Variants in NCAPG2 observed in about 807,000 individuals in gnomAD.
NCAPG2 encodes non-SMC condensin II complex subunit G2, also known as condensin-2 complex subunit G2.
NCAPG2 carries 53 observed loss-of-function variants against 141.1 expected under a neutral mutation model. The ratio of observed to expected loss-of-function variants is 0.38; its 90% CI spans 0.30 to 0.47. NCAPG2 has a LOEUF of 0.47. NCAPG2 is among the 20% of genes least tolerant of loss of function. The pLI is 0.99. For synonymous variants in NCAPG2, 499 were observed against 490.7 expected (o/e 1.02, Z -0.22); for missense variants, 1,087 against 1,389.0 (o/e 0.78, Z 3.46).
intron 23 of NCAPG2, among the ~76,000 whole-genome samples, chr7:158,651,772 ACTCT>A (rs1340074670): frequency 6.6e-6 from 1 of 152,134 alleles, no homozygotes; most frequent in Non-Finnish European, 1.5e-5. Context: ...AAGGTCTGTG[ACTCT>A]CGTTTCCAAC....
At chr7:158,695,557 G>A (rs1835392382) in intron 2 of NCAPG2, among the ~76,000 whole-genome samples, 1 of 152,238 alleles carries the variant, frequency 6.6e-6, no homozygotes, top group Non-Finnish European at 1.5e-5. Context: ...GTTTGGAGCT[G>A]GGGATGTGAG....
At chr7:158,690,910 CTGTT>C (rs1384914764) in intron 4 of NCAPG2, among the ~76,000 whole-genome samples, 188 bp from the exon 5 acceptor site, 1 of 152,108 alleles carries the variant, frequency 6.6e-6, no homozygotes, top group East Asian at 1.9e-4. Flanking sequence ...AATTAAAAAA[CTGTT>C]TGACGATTGT....
intron 8 of NCAPG2, among the ~76,000 whole-genome samples, chr7:158,684,493 A>G (rs888482746): frequency 2.0e-5 from 3 of 152,238 alleles, no homozygotes; most frequent in African/African-American, 7.2e-5. Flanking sequence ...TGGCTTGATT[A>G]TTTTTAAAAA....
intron 26 of NCAPG2, among the ~76,000 whole-genome samples, chr7:158,645,161 C>A (rs915991697): frequency 6.6e-6 from 1 of 152,108 alleles, no homozygotes; most frequent in Non-Finnish European, 1.5e-5. Flanking sequence ...CCGTCATCAA[C>A]CAAAATAAAT....
intron 27 of NCAPG2, 46 bp from the exon 28 acceptor site, chr7:158,631,763 A>G: frequency 7.1e-7 from 1 of 1,403,590 alleles, no homozygotes; most frequent in Non-Finnish European, 1.0e-6. Flanking sequence ...AAAAGTGACC[A>G]AATTATCCAA....
chr7:158,639,497 C>A (rs1458944353), intron 27 of NCAPG2, among the ~76,000 whole-genome samples: 1 of 152,086 alleles, frequency 6.6e-6, no homozygotes, highest in African/African-American at 2.4e-5. Context: ...AAATTCTATT[C>A]TATTAAAATC....
intron 27 of NCAPG2, among the ~76,000 whole-genome samples, chr7:158,638,012 C>T (rs146412963): frequency 0.015 from 2,239 of 152,152 alleles, 65 homozygotes; most frequent in East Asian, 0.12. Context: ...GGCATGGTGG[C>T]GCATGCCTGT....
intron 17 of NCAPG2, 94 bp downstream of exon 17, chr7:158,658,244 T>C: frequency 1.7e-6 from 2 of 1,190,370 alleles, no homozygotes; most frequent in Non-Finnish European, 2.3e-6. Flanking sequence ...AGCTGAAAGC[T>C]AAATGTTATG....
intron 12 of NCAPG2, among the ~76,000 whole-genome samples, chr7:158,672,975 G>A (rs1833840732): frequency 1.3e-5 from 2 of 152,200 alleles, no homozygotes; most frequent in Admixed American, 6.5e-5. Context: ...CTGGGCAAGG[G>A]AGGCATCTCA....
chr7:158,677,836 G>T (rs1486653619), intron 11 of NCAPG2, among the ~76,000 whole-genome samples: 2 of 151,936 alleles, frequency 1.3e-5, no homozygotes, highest in African/African-American at 4.8e-5. Flanking sequence ...TTTGAAACAG[G>T]GTCTTGCTCT....
intron 13 of NCAPG2, among the ~76,000 whole-genome samples, chr7:158,666,743 A>G (rs1208834844): frequency 3.3e-5 from 5 of 151,960 alleles, no homozygotes; most frequent in African/African-American, 1.2e-4. Flanking sequence ...CCTGGGCAAC[A>G]CAGGGAAACC....
Position 158,686,120 on chromosome 7 carries a change from G to T in NCAPG2, c.837+52C>A, listed in dbSNP as rs141061787. ...TAACCCTTCTTTGACTACTTATTTA[G>T]TAACTAAAATATAATAAAAATAAGT... On this transcript the variant is annotated intron_variant, in intron 8 of 27. Transcript: ENST00000356309. The T allele has an allele frequency of 2.6e-4, 290 of 1,102,226 alleles. No individual in the cohort carries two copies. In the African/African-American group the frequency reaches 4.4e-3, roughly 17 times the overall value. The allele number at this position is 1,102,226 out of a possible 1,614,324, so 68.3% of individuals were successfully genotyped here. A position where few individuals can be genotyped will look rare whatever the true frequency, so the allele number is the denominator to read the frequency against.
At chr7:158,637,565 T>C (rs1830356102) in intron 27 of NCAPG2, among the ~76,000 whole-genome samples, 3 of 152,280 alleles carry the variant, frequency 2.0e-5, no homozygotes, top group Non-Finnish European at 4.4e-5. Flanking sequence ...GAGTAGGCTT[T>C]CCAGCTCCGG....
At chr7:158,663,701 C>A (rs10949738) in intron 15 of NCAPG2, among the ~76,000 whole-genome samples, 1 of 152,110 alleles carries the variant, frequency 6.6e-6, no homozygotes, top group African/African-American at 2.4e-5. Context: ...ACCCCAAAAT[C>A]TTACTTTAGA....
At chr7:158,688,957 T>C (rs529774832) in intron 6 of NCAPG2, among the ~76,000 whole-genome samples, 45 of 152,282 alleles carry the variant, frequency 3.0e-4, no homozygotes, top group Middle Eastern at 3.4e-3. Flanking sequence ...GAGGGATGAC[T>C]TCCTCCTTCT....
At position 158,662,313 on chromosome 7, in the gene NCAPG2, C is replaced by G; in HGVS notation, c.1870G>C (p.Glu624Gln). ...CTTTTCCAGAGAATCACAATGATTT[C>G]TAGTAAACCTGCCATGCATGCAACA... ...NDVACMAGLL[E>Q]IIVILWKSID... The change falls in exon 16 of 28, where the codon GAA becomes CAA. Residue 624 changes from glutamate to glutamine, a missense_variant. Coordinates refer to ENST00000356309, the MANE Select transcript of NCAPG2 (RefSeq NM_017760.7). The G allele has an allele frequency of 6.2e-7, 1 of 1,608,514 alleles. No individual in the cohort carries two copies. Among genetic ancestry groups the G allele is most frequent in the Non-Finnish European group, 8.5e-7 (1 of 1,177,660 alleles).
At chr7:158,704,124 GCTCT>G (rs1379228527) in intron 1 of NCAPG2, among the ~76,000 whole-genome samples, 2 of 124,696 alleles carry the variant, frequency 1.6e-5, no homozygotes, top group Admixed American at 8.3e-5. Context: ...CTGAGGGGAC[GCTCT>G]CTGAGGGCAG....
At chr7:158,695,608 G>C (rs1268680419) in intron 2 of NCAPG2, among the ~76,000 whole-genome samples, 1 of 152,242 alleles carries the variant, frequency 6.6e-6, no homozygotes, top group Non-Finnish European at 1.5e-5. Context: ...GAGCTGGCTG[G>C]AAGGGCAAGG....
chr7:158,699,334 G>A (rs1835648117), intron 2 of NCAPG2, among the ~76,000 whole-genome samples: 1 of 152,118 alleles, frequency 6.6e-6, no homozygotes, highest in Non-Finnish European at 1.5e-5. Flanking sequence ...CTCCACTCTG[G>A]AACACTTGCT....
Sources: gnomAD v4.1 joint callset for allele counts (sites outside exome capture counted in the v4.1 genomes callset) on GRCh38, gnomAD v4.1.1 for gene constraint, MANE v1.5 for transcripts, NCBI Gene and HGNC (gene_info 2026-07-23, HGNC 2026-07-21) for gene names.